The following KNL1 variants were observed in gnomAD, a reference collection of about 807,000 sequenced individuals.
The protein encoded by KNL1 is kinetochore scaffold 1, also known as outer kinetochore KNL1 complex subunit KNL1.
KNL1 carries 66 observed loss-of-function variants against 201.3 expected under a neutral mutation model. That is an observed-to-expected ratio of 0.33 (90% CI 0.27 to 0.40). The LOEUF (loss-of-function observed/expected upper bound fraction) is 0.40. Among genes scored for constraint, KNL1 ranks in the 10% least tolerant of loss-of-function variants. The probability of loss-of-function intolerance (pLI) is 1.00; values close to 1 mark genes in which losing one functional copy is unlikely to be tolerated. For synonymous variants in KNL1, 895 were observed against 899.2 expected, an observed-to-expected ratio of 1.00 and a Z score of 0.08; for missense variants, 2,815 against 2,690.5, an observed-to-expected ratio of 1.05 and a Z score of -1.02.
At chr15:40,658,678 C>G (rs1893813616) in intron 24 of KNL1, among the ~76,000 whole-genome samples, 1 of 149,174 alleles carries the variant, frequency 6.7e-6, no homozygotes, top group Non-Finnish European at 1.5e-5. Context: ...AGCCTGTAAT[C>G]CCAACACTTT....
intron 13 of KNL1, among the ~76,000 whole-genome samples, chr15:40,636,575 T>C (rs1442332248): frequency 6.6e-6 from 1 of 152,136 alleles, no homozygotes; most frequent in Non-Finnish European, 1.5e-5. Flanking sequence ...ATACCTGTAA[T>C]CCCAGTACTT....
intron 24 of KNL1, 68 bp downstream of exon 24, chr15:40,657,541 G>A: frequency 1.2e-6 from 1 of 803,534 alleles, no homozygotes; most frequent in South Asian, 1.4e-5. Flanking sequence ...AACAGGTTCT[G>A]GAGGCTGGAG....
Position 40,629,346 on chromosome 15 carries a change from C to A in KNL1, c.5657C>A (p.Pro1886His). ...LLQVHILIQK[P>H]RQSNLPGNFT... The stretch of plus-strand genomic sequence containing the variant: ...CAGGTCCACATCTTGATACAGAAAC[C>A]CCGACAGAGCAATCTCCCAGGCAAT... The change falls in exon 13 of 26, where the codon CCC becomes CAC. Residue 1886 changes from proline to histidine, a missense_variant. Pro to His is a moderately conservative substitution (Grantham distance 77, BLOSUM62 -2). Coordinates refer to ENST00000399668, the MANE Select transcript of KNL1 (RefSeq NM_144508.5). The A allele has an allele frequency of 6.2e-7, 1 of 1,604,860 alleles. No homozygotes were observed. Among genetic ancestry groups the A allele is most frequent in the Non-Finnish European group, 8.5e-7 (1 of 1,177,688 alleles).
rs1260984255 is a variant in KNL1, at chr15:40,647,077, A to G, written c.6094+3A>G. The stretch of plus-strand genomic sequence containing the variant: ...CTGCCTCACTGAGATGGAAACAGGT[A>G]AAGTATTTTAAATACTTTTCCAAAA... On this transcript the variant is annotated splice_donor_region_variant and intron_variant, in intron 17 of 25. Transcript: ENST00000399668. 3 of 1,370,748 alleles carry G rather than the reference A, an allele frequency of 2.2e-6. No individual in the cohort carries two copies. Among genetic ancestry groups the G allele is most frequent in the East Asian group, 4.6e-5 (2 of 43,660 alleles). The allele number at this position is 1,370,748 out of a possible 1,614,324, so 84.9% of individuals were successfully genotyped here.
At chr15:40,618,883 A>G (rs1161809172) in intron 8 of KNL1, 76 bp from the exon 9 acceptor site, 2 of 875,400 alleles carry the variant, frequency 2.3e-6, no homozygotes, top group African/African-American at 3.3e-5. Context: ...CTTGTAACTG[A>G]TGAAGAACCT....
intron 8 of KNL1, among the ~76,000 whole-genome samples, chr15:40,617,189 T>A (rs1000312423): frequency 1.3e-5 from 2 of 152,182 alleles, no homozygotes. Context: ...CCTCAGATGA[T>A]CCACCGCCTT....
At chr15:40,597,778 G>A (rs1016072681) in intron 1 of KNL1, among the ~76,000 whole-genome samples, 2 of 152,258 alleles carry the variant, frequency 1.3e-5, no homozygotes, top group African/African-American at 4.8e-5. Context: ...AGATTGGACA[G>A]GAATTATGCT....
At chr15:40,617,609 G>A (rs1311361241) in intron 8 of KNL1, among the ~76,000 whole-genome samples, 1 of 152,120 alleles carries the variant, frequency 6.6e-6, no homozygotes, top group Non-Finnish European at 1.5e-5. Flanking sequence ...GCAAAACTAA[G>A]GAGTTAGTCA....
At position 40,606,463 on chromosome 15, in the gene KNL1, T is replaced by G. The variant is rs779132891; in HGVS notation, c.135+11T>G. ...AATGAAAGAGTTCAGGTAAGTCTTT[T>G]GTGCAAATACTTTATAGATGACTAT... On this transcript the variant is annotated intron_variant, in intron 4 of 25. Transcript: ENST00000399668. 6.9e-7 allele frequency: 1 copy of G among 1,440,950 alleles called. No individual in the cohort carries two copies. Among genetic ancestry groups the G allele is most frequent in the Non-Finnish European group, 9.8e-7 (1 of 1,023,426 alleles). 89.3% of individuals were successfully genotyped at this position (1,440,950 alleles called of 1,614,324 possible).
Position 40,621,726 on chromosome 15 carries a change from A to G in KNL1, c.1462A>G (p.Lys488Glu). The G allele has an allele frequency of 6.2e-7, 1 of 1,613,266 alleles. No individual in the cohort carries two copies. Among genetic ancestry groups the G allele is most frequent in the South Asian group, 1.1e-5 (1 of 91,052 alleles). Residue 488 changes from lysine to glutamate, a missense_variant, in exon 10 of 26, where the codon AAG (lysine) becomes GAG (glutamate). By Grantham distance (56) the Lys-to-Glu change is moderately conservative. Around this residue, in one of 3 missense-constraint regions of KNL1, gnomAD observed 2,464 missense variants for 2,291.7 expected, o/e 1.08. Coordinates refer to ENST00000399668, the MANE Select transcript of KNL1 (RefSeq NM_144508.5). ...YSGEENMDIT[K>E]SHTVAIDNQI... ...CGGAGAGGAGAACATGGACATTACC[A>G]AGAGTCATACAGTTGCAATAGATAA... is the stretch of plus-strand genomic sequence containing the variant.
chr15:40,624,381 A>C lies in KNL1; in HGVS notation c.4117A>C (p.Thr1373Pro). The part of the protein sequence containing the change: ...PLLEKEEVIQ[T>P]STKGQLDCVI... ...GTTAGAGAAGGAAGAAGTTATTCAA[A>C]CCAGTACCAAAGGACAGTTAGACTG... Residue 1373 changes from threonine (T) to proline (P), a missense_variant, in exon 10 of 26, where the codon ACC becomes CCC. By Grantham distance (38) the Thr-to-Pro change is conservative. Coordinates refer to ENST00000399668, the MANE Select transcript of KNL1 (RefSeq NM_144508.5). The C allele has an allele frequency of 6.2e-7, 1 of 1,614,000 alleles. No homozygotes were observed. Among genetic ancestry groups the C allele is most frequent in the Middle Eastern group, 1.7e-4 (1 of 6,060 alleles).
At chr15:40,640,500 G>A (rs979196729) in intron 13 of KNL1, among the ~76,000 whole-genome samples, 7 of 152,008 alleles carry the variant, frequency 4.6e-5, no homozygotes, top group African/African-American at 1.7e-4. Context: ...TATAATTGGA[G>A]GATGTGCCAG....
At chr15:40,657,523 G>C (rs1893770601) in intron 24 of KNL1, 50 bp downstream of exon 24, 2 of 984,542 alleles carry the variant, frequency 2.0e-6, no homozygotes, top group African/African-American at 3.2e-5. Flanking sequence ...CTACAAATTG[G>C]GTACCTTAAC....
In KNL1 at chr15:40,646,252, A is replaced by C. The variant is rs183512820; in HGVS notation, c.6006+480A>C. 2.2e-3 allele frequency among the ~76,000 whole-genome samples: 329 copies of C among 152,314 alleles called. 2 individuals are homozygous for C. The highest frequency in any genetic ancestry group is 7.7e-3 in the African/African-American group (320 of 41,584). On this transcript the variant is annotated intron_variant, in intron 16 of 25. Coordinates refer to ENST00000399668, the MANE Select transcript of KNL1 (RefSeq NM_144508.5). ...GAGAAACATAATTTTTTAAAGTCTA[A>C]GCATAAATGCTGTAATTCTTTTTGA...
chr15:40,595,215 C>A (rs1308419272), intron 1 of KNL1, among the ~76,000 whole-genome samples: 3 of 152,106 alleles, frequency 2.0e-5, no homozygotes, highest in Non-Finnish European at 4.4e-5. Context: ...GTGATAGGGC[C>A]GGGGACAGAT....
intron 13 of KNL1, among the ~76,000 whole-genome samples, chr15:40,639,722 C>T (rs138245372): frequency 2.3e-3 from 350 of 151,676 alleles, no homozygotes; most frequent in African/African-American, 7.5e-3. Flanking sequence ...TGCAGTGAGC[C>T]GTGATCACAC....
intron 1 of KNL1, among the ~76,000 whole-genome samples, chr15:40,601,932 A>G (rs1202657103): frequency 7.9e-6 from 1 of 126,376 alleles, no homozygotes; most frequent in East Asian, 2.6e-4. Flanking sequence ...CAGTGGTGCA[A>G]TTTCGGCTCA....
chr15:40,614,520 A>G (rs1892279131), intron 7 of KNL1, among the ~76,000 whole-genome samples: 1 of 152,208 alleles, frequency 6.6e-6, no homozygotes, highest in Non-Finnish European at 1.5e-5. Flanking sequence ...GACGTGAGCC[A>G]CCACACCCAG....
intron 21 of KNL1, among the ~76,000 whole-genome samples, chr15:40,653,756 G>C (rs1893640441): frequency 6.6e-6 from 1 of 152,096 alleles, no homozygotes. Flanking sequence ...TCCTACCTCT[G>C]CACGTTGGCC....
Sources: gnomAD v4.1 joint callset for allele counts (sites outside exome capture counted in the v4.1 genomes callset) on GRCh38, gnomAD v4.1.1 for gene constraint, gnomAD v4.1.1 regional missense constraint, MANE v1.5 for transcripts, NCBI Gene and HGNC (gene_info 2026-07-23, HGNC 2026-07-21) for gene names.